CNNM1: variants seen among roughly 807,000 people sequenced by gnomAD.
The protein encoded by CNNM1 is cyclin and CBS domain divalent metal cation transport mediator 1.
A neutral mutation model predicts 78.8 loss-of-function variants in CNNM1; 44 were observed. The observed-to-expected ratio is 0.56, with a 90% CI of 0.44 to 0.72. The LOEUF (loss-of-function observed/expected upper bound fraction) is 0.72. CNNM1 is among the 30% of genes least tolerant of loss of function. The pLI, the probability that CNNM1 is intolerant of heterozygous loss-of-function variation, is 0.00. For missense variants in CNNM1, 1,101 were observed against 1,292.2 expected, an observed-to-expected ratio of 0.85 and a Z score of 2.27; for synonymous variants, 584 against 581.5, an observed-to-expected ratio of 1.00 and a Z score of -0.06.
chr10:99,367,917 G>A (rs1487209248), intron 6 of CNNM1, among the ~76,000 whole-genome samples: 1 of 152,172 alleles, frequency 6.6e-6, no homozygotes, highest in African/African-American at 2.4e-5. Flanking sequence ...CCCAGTGATA[G>A]CCAGCACCAT....
At chr10:99,365,657 T>A (rs987008252) in intron 6 of CNNM1, among the ~76,000 whole-genome samples, 1 of 152,204 alleles carries the variant, frequency 6.6e-6, no homozygotes, top group Non-Finnish European at 1.5e-5. Flanking sequence ...GGGCATGGCA[T>A]TTTTTGTGAT....
intron 1 of CNNM1, among the ~76,000 whole-genome samples, chr10:99,350,026 A>G (rs2134031756): frequency 6.6e-6 from 1 of 152,168 alleles, no homozygotes; most frequent in Non-Finnish European, 1.5e-5. Flanking sequence ...CACAAAAAAC[A>G]GCTATCTGGA....
intron 10 of CNNM1, among the ~76,000 whole-genome samples, chr10:99,391,047 C>T (rs968829681): frequency 6.6e-6 from 1 of 152,238 alleles, no homozygotes; most frequent in Non-Finnish European, 1.5e-5. Context: ...GCCACCAACC[C>T]TGATTCATGG....
At chr10:99,383,384 C>T (rs560521774) in intron 7 of CNNM1, among the ~76,000 whole-genome samples, 1 of 152,296 alleles carries the variant, frequency 6.6e-6, no homozygotes, top group South Asian at 2.1e-4. Flanking sequence ...AGCGATTCTC[C>T]TGCCTCAGCC....
At position 99,391,649 on chromosome 10, in the gene CNNM1, C is replaced by T. The variant is rs1314447772; in HGVS notation, c.*133C>T. The T allele has an allele frequency of 1.4e-6, 1 of 714,764 alleles. No individual in the cohort carries two copies. Among genetic ancestry groups the T allele is most frequent in the Non-Finnish European group, 2.3e-6 (1 of 428,756 alleles). 44.3% of individuals were successfully genotyped at this position (714,764 alleles called of 1,614,324 possible). ...TTCTGCCTTCCCTTCCATCTCTTCA[C>T]CCCTAGCTGTCAGTTTGGCAGATTT... is the stretch of plus-strand genomic sequence containing the variant. On this transcript the variant is annotated 3_prime_UTR_variant, in exon 11 of 11. Coordinates refer to ENST00000356713, the MANE Select transcript of CNNM1 (RefSeq NM_020348.3).
intron 6 of CNNM1, among the ~76,000 whole-genome samples, chr10:99,366,499 T>G (rs1589908902): frequency 1.3e-5 from 2 of 150,704 alleles, no homozygotes. Context: ...AAGAAATTGC[T>G]GTGGCCGGGC....
intron 1 of CNNM1, among the ~76,000 whole-genome samples, chr10:99,335,461 G>C (rs2030132278): frequency 2.6e-5 from 4 of 152,112 alleles, no homozygotes; most frequent in Non-Finnish European, 5.9e-5. Flanking sequence ...CATGGCTAGG[G>C]GATGTATAAC....
intron 1 of CNNM1, among the ~76,000 whole-genome samples, chr10:99,332,036 G>A (rs1318690441): frequency 6.6e-6 from 1 of 152,148 alleles, no homozygotes; most frequent in Non-Finnish European, 1.5e-5. Context: ...AATCAGCCTG[G>A]ATACATTAGA....
chr10:99,367,022 A>G (rs1418122196), intron 6 of CNNM1, among the ~76,000 whole-genome samples: 2 of 152,188 alleles, frequency 1.3e-5, no homozygotes, highest in Non-Finnish European at 2.9e-5. Flanking sequence ...AAATATTATT[A>G]GCCAATGGGG....
At chr10:99,382,887 C>T (rs974908919) in intron 7 of CNNM1, among the ~76,000 whole-genome samples, 1 of 152,210 alleles carries the variant, frequency 6.6e-6, no homozygotes, top group Admixed American at 6.5e-5. Context: ...AATAAACAGA[C>T]CTCCGCTTCC....
chr10:99,366,356 A>G lies in CNNM1; in HGVS notation c.2176+1354A>G, dbSNP rs139541913. 2.4e-4 allele frequency among the ~76,000 whole-genome samples: 37 copies of G among 152,212 alleles called. No individual in the cohort carries two copies. The East Asian group carries it at 6.0e-3, about 25-fold the overall frequency. ...CATTAGGGACTACTCCTGGGATTCTAATATGTTACCTAGAAATGTCTGTGA... is the reference window on the plus strand; with the variant it reads ...CATTAGGGACTACTCCTGGGATTCTGATATGTTACCTAGAAATGTCTGTGA... On this transcript the variant is annotated intron_variant, in intron 6 of 10. Transcript: ENST00000356713.
At chr10:99,358,683 C>G (rs947597207) in intron 2 of CNNM1, among the ~76,000 whole-genome samples, 2 of 152,178 alleles carry the variant, frequency 1.3e-5, no homozygotes, top group East Asian at 1.9e-4. Context: ...CTCCAAGAGC[C>G]TGGGCACTGC....
At chr10:99,334,388 C>T (rs1310162278) in intron 1 of CNNM1, among the ~76,000 whole-genome samples, 1 of 152,208 alleles carries the variant, frequency 6.6e-6, no homozygotes, top group Non-Finnish European at 1.5e-5. Flanking sequence ...CGCAGTGGCT[C>T]ACGCCTGTAA....
chr10:99,382,017 T>C (rs907606565), intron 7 of CNNM1, among the ~76,000 whole-genome samples: 3 of 152,160 alleles, frequency 2.0e-5, no homozygotes, highest in Admixed American at 2.0e-4. Context: ...TCTGTTGTTA[T>C]TGTGTTTTTT....
At position 99,329,398 on chromosome 10, in the gene CNNM1, C is replaced by T. The variant is rs1285439103; in HGVS notation, c.11C>T (p.Ala4Val). ...TGCGCTGGGTGCAGGATGGCGGCGG[C>T]CGCGGCGGCGGCAGCAGCGGTGGGT... is the stretch of plus-strand genomic sequence containing the variant. MAA[A>V]AAAAAAVGVR... Residue 4 changes from alanine to valine, a missense_variant, in exon 1 of 11, where the codon GCC (alanine) becomes GTC (valine). Transcript: ENST00000356713. 3 of 792,568 alleles carry T rather than the reference C, an allele frequency of 3.8e-6. No individual in the cohort carries two copies. The highest frequency in any genetic ancestry group is 3.2e-5 in the East Asian group (1 of 30,942). The allele number at this position is 792,568 out of a possible 1,614,324, so 49.1% of individuals were successfully genotyped here. A position where few individuals can be genotyped will look rare whatever the true frequency, so the allele number is the denominator to read the frequency against.
chr10:99,331,942 A>T (rs1246724350), intron 1 of CNNM1, among the ~76,000 whole-genome samples: 7 of 152,178 alleles, frequency 4.6e-5, no homozygotes, highest in Non-Finnish European at 1.0e-4. Context: ...CTCAAGCTTG[A>T]TGTCATGCTT....
intron 1 of CNNM1, among the ~76,000 whole-genome samples, chr10:99,356,604 G>GAAAA (rs67360569): frequency 1.5e-5 from 1 of 64,698 alleles, no homozygotes; most frequent in South Asian, 7.3e-4. Flanking sequence ...AAGAAAGAAA[G>GAAAA]AAAAGAAAGA....
Position 99,391,811 on chromosome 10 carries a change from G to A in CNNM1, c.*295G>A, listed in dbSNP as rs1589929236. On this transcript the variant is annotated 3_prime_UTR_variant, in exon 11 of 11. Coordinates refer to ENST00000356713, the MANE Select transcript of CNNM1 (RefSeq NM_020348.3). The stretch of plus-strand genomic sequence containing the variant: ...GAAAAGAGATGTCTGACTGCAAGCT[G>A]ACAATGCCACTCTGGGACCCCTGAT... 1 of 310,488 alleles carries A rather than the reference G, an allele frequency of 3.2e-6. No individual in the cohort carries two copies. The highest frequency in any genetic ancestry group is 2.1e-5 in the African/African-American group (1 of 46,860). 19.2% of individuals were successfully genotyped at this position (310,488 alleles called of 1,614,324 possible). A position where few individuals can be genotyped will look rare whatever the true frequency, so the allele number is the denominator to read the frequency against.
rs1210610674 is a variant in CNNM1, at chr10:99,377,048, T to C, written c.2177-7T>C. 1 of 1,311,172 alleles carries C rather than the reference T, an allele frequency of 7.6e-7. No homozygotes were observed. The highest frequency in any genetic ancestry group is 1.2e-5 in the South Asian group (1 of 80,638). 81.2% of individuals were successfully genotyped at this position (1,311,172 alleles called of 1,614,324 possible). Reference sequence around the variant, plus strand: ...CTTGTCTTTTCTCCATCTCTCACCATCTGCAGTAAACCGGTCCCCTTCTCG... The same window carrying C: ...CTTGTCTTTTCTCCATCTCTCACCACCTGCAGTAAACCGGTCCCCTTCTCG... On this transcript the variant is annotated splice_region_variant and splice_polypyrimidine_tract_variant and intron_variant, in intron 6 of 10. Coordinates refer to ENST00000356713, the MANE Select transcript of CNNM1 (RefSeq NM_020348.3).
Sources: gnomAD v4.1 joint callset for allele counts (sites outside exome capture counted in the v4.1 genomes callset) on GRCh38, gnomAD v4.1.1 for gene constraint, MANE v1.5 for transcripts, NCBI Gene and HGNC (gene_info 2026-07-23, HGNC 2026-07-21) for gene names.